APBA2: variants seen among roughly 807,000 people sequenced by gnomAD.
APBA2 encodes the protein amyloid-beta A4 precursor protein-binding family A member 2.
Under a neutral mutation model 75.0 loss-of-function variants are expected in APBA2, and 30 were observed. The observed-to-expected ratio is 0.40, with a 90% confidence interval of 0.30 to 0.54. APBA2 has a LOEUF of 0.54. APBA2 is among the 20% of genes least tolerant of loss of function. APBA2 has a pLI of 0.49. For synonymous variants in APBA2, 444 were observed against 409.6 expected (o/e 1.08, Z -1.01); for missense variants, 801 against 1,016.1 (o/e 0.79, Z 2.88).
chr15:28,999,282 T>C (rs569096709), intron 3 of APBA2, among the ~76,000 whole-genome samples: 1 of 152,292 alleles, frequency 6.6e-6, no homozygotes, highest in African/African-American at 2.4e-5. Context: ...CAAACATCAG[T>C]ATTAGCAACT....
chr15:28,896,138 G>T (rs1355913642), intron 1 of APBA2, among the ~76,000 whole-genome samples: 2 of 151,994 alleles, frequency 1.3e-5, no homozygotes, highest in Non-Finnish European at 2.9e-5. Flanking sequence ...TGAAGGAGAG[G>T]GAGCTCTATT....
At chr15:28,933,979 G>C (rs2034706715) in intron 2 of APBA2, among the ~76,000 whole-genome samples, 1 of 152,294 alleles carries the variant, frequency 6.6e-6, no homozygotes, top group South Asian at 2.1e-4. Context: ...GGGGGCATGG[G>C]CTGGAGGTGG....
intron 2 of APBA2, among the ~76,000 whole-genome samples, chr15:28,933,951 A>G (rs960881458): frequency 5.9e-5 from 9 of 152,036 alleles, no homozygotes; most frequent in Admixed American, 6.6e-5. Flanking sequence ...GCAGGAGTAG[A>G]GGCAGCCCAG....
chr15:29,065,361 C>T (rs935800219), intron 4 of APBA2, among the ~76,000 whole-genome samples: 3 of 152,138 alleles, frequency 2.0e-5, no homozygotes, highest in South Asian at 2.1e-4. Context: ...CGTAATGTCA[C>T]CCATGGTGTG....
At chr15:29,058,649 A>T (rs1278271595) in intron 4 of APBA2, among the ~76,000 whole-genome samples, 2 of 152,104 alleles carry the variant, frequency 1.3e-5, no homozygotes, top group Non-Finnish European at 2.9e-5. Context: ...CACCTGTGCC[A>T]CTCTGCTGAG....
At chr15:28,909,813 G>A (rs922854986) in intron 1 of APBA2, among the ~76,000 whole-genome samples, 1 of 152,202 alleles carries the variant, frequency 6.6e-6, no homozygotes, top group African/African-American at 2.4e-5. Context: ...TGTGACCACA[G>A]GGCTTCTAAA....
Position 29,054,089 on chromosome 15 carries a change from G to C in APBA2, c.205G>C (p.Asp69His), listed in dbSNP as rs780907005. 4 of 1,614,096 alleles carry C rather than the reference G, an allele frequency of 2.5e-6. No homozygotes were observed. The highest frequency in any genetic ancestry group is 2.5e-6 in the Non-Finnish European group (3 of 1,180,032). ...ACAGGAGTGCCACAACCACAGCCCC[G>C]ATGGGGACTCCAGCTCTGACTACGT... is the stretch of plus-strand genomic sequence containing the variant. ...EEQECHNHSPDGDSSSDYVNN... is the reference protein window; with the variant it reads ...EEQECHNHSPHGDSSSDYVNN... Residue 69 changes from aspartate (D) to histidine (H), a missense_variant, in exon 4 of 15, where the codon GAT becomes CAT. Physicochemically the swap from Asp to His is moderately conservative, Grantham distance 81. Transcript: ENST00000683413. This position sits in a 1 kb window ranked among gnomAD's most constrained non-coding sequence, Gnocchi z 6.1.
intron 2 of APBA2, among the ~76,000 whole-genome samples, chr15:28,935,757 G>T (rs963329607): frequency 1.2e-4 from 19 of 152,220 alleles, no homozygotes; most frequent in Admixed American, 9.2e-4. Context: ...CGGGGCAAGG[G>T]CCAGTGAGTT....
Position 29,047,284 on chromosome 15 carries a change from A to G in APBA2, c.-40-6561A>G, listed in dbSNP as rs550407365. The stretch of plus-strand genomic sequence containing the variant: ...TGTGGGTCCCTTACCCTTTGCACTC[A>G]TGGGAAAGAGAGCTGGATCAGAATG... On this transcript the variant is annotated intron_variant, in intron 3 of 14. Transcript: ENST00000683413. Among the ~76,000 whole-genome samples, 211 of 152,254 alleles carry G rather than the reference A, an allele frequency of 1.4e-3. 1 individual carries two copies. Among genetic ancestry groups the G allele is most frequent in the Non-Finnish European group, 2.3e-3 (157 of 68,022 alleles).
chr15:29,031,729 A>C (rs568623233), intron 3 of APBA2, among the ~76,000 whole-genome samples: 2 of 152,354 alleles, frequency 1.3e-5, no homozygotes, highest in Admixed American at 1.3e-4. Flanking sequence ...TGCTAGCTAC[A>C]GAGTGCTGAT....
intron 2 of APBA2, among the ~76,000 whole-genome samples, chr15:28,944,818 C>A (rs2035449887): frequency 6.6e-6 from 1 of 152,178 alleles, no homozygotes; most frequent in East Asian, 1.9e-4. Context: ...GGGATGAAGC[C>A]CTGCAGAAAG....
At chr15:28,944,736 C>A (rs1348506860) in intron 2 of APBA2, among the ~76,000 whole-genome samples, 1 of 152,260 alleles carries the variant, frequency 6.6e-6, no homozygotes, top group African/African-American at 2.4e-5. Context: ...GCCTCCACTT[C>A]AGACTTCAGT....
intron 3 of APBA2, 109 bp from the exon 4 acceptor site, chr15:29,053,736 C>T: frequency 1.5e-6 from 1 of 681,190 alleles, no homozygotes; most frequent in Non-Finnish European, 2.5e-6. Flanking sequence ...GATGTGCCCT[C>T]ACATGGCTGC....
At chr15:29,112,155 A>G (rs1456033692) in intron 13 of APBA2, among the ~76,000 whole-genome samples, 1 of 152,096 alleles carries the variant, frequency 6.6e-6, no homozygotes, top group African/African-American at 2.4e-5. Context: ...TGGGGCAGCC[A>G]CTCGGCACCT....
chr15:29,107,530 G>A (rs1033665046), intron 12 of APBA2, among the ~76,000 whole-genome samples: 1 of 152,198 alleles, frequency 6.6e-6, no homozygotes, highest in Non-Finnish European at 1.5e-5. Flanking sequence ...TTCGGCATGA[G>A]AGATGAAGGG....
At chr15:28,944,033 C>T (rs1484557186) in intron 2 of APBA2, among the ~76,000 whole-genome samples, 1 of 152,144 alleles carries the variant, frequency 6.6e-6, no homozygotes, top group Non-Finnish European at 1.5e-5. Flanking sequence ...ATCCTGCCAC[C>T]TCTGGCCCAC....
At chr15:29,111,752 C>A (rs77951246) in intron 13 of APBA2, among the ~76,000 whole-genome samples, 4,232 of 152,206 alleles carry the variant, frequency 0.028, 193 homozygotes, top group African/African-American at 0.096. Flanking sequence ...GCCACTTGTG[C>A]CCCTGCAGGC....
chr15:28,944,497 C>T (rs1425698710), intron 2 of APBA2, among the ~76,000 whole-genome samples: 2 of 152,244 alleles, frequency 1.3e-5, no homozygotes, highest in African/African-American at 4.8e-5. Context: ...CAGGCTGGGT[C>T]TGGACCACCC....
chr15:28,907,875 A>C (rs1451749036), intron 1 of APBA2, among the ~76,000 whole-genome samples: 1 of 152,180 alleles, frequency 6.6e-6, no homozygotes, highest in Non-Finnish European at 1.5e-5. Context: ...TATTTGAACC[A>C]ACTTAAAGGG....
Sources: gnomAD v4.1 joint callset for allele counts (sites outside exome capture counted in the v4.1 genomes callset) on GRCh38, gnomAD v4.1.1 for gene constraint, Gnocchi (gnomAD v3.1) non-coding constraint, MANE v1.5 for transcripts, NCBI Gene and HGNC (gene_info 2026-07-23, HGNC 2026-07-21) for gene names.